The following RAB11FIP1 variants were observed in gnomAD, a reference collection of about 807,000 sequenced individuals.
The protein encoded by RAB11FIP1 is RAB11 family interacting protein 1.
RAB11FIP1 carries 49 observed loss-of-function variants against 83.1 expected under a neutral mutation model. The observed-to-expected ratio is 0.59, with a 90% CI of 0.47 to 0.75. The LOEUF (loss-of-function observed/expected upper bound fraction) is 0.75, where lower values mean the gene tolerates loss of function less well. Among genes scored for constraint, RAB11FIP1 ranks in the 30% least tolerant of loss-of-function variants. The pLI, the probability that RAB11FIP1 is intolerant of heterozygous loss-of-function variation, is 0.00. For missense variants in RAB11FIP1, 1,536 were observed against 1,598.7 expected (o/e 0.96, Z 0.67); for synonymous variants, 670 against 656.0 (o/e 1.02, Z -0.33).
At chr8:37,880,859 C>T (rs1220739846) in intron 1 of RAB11FIP1, among the ~76,000 whole-genome samples, 2 of 152,072 alleles carry the variant, frequency 1.3e-5, no homozygotes, top group African/African-American at 4.8e-5. Flanking sequence ...GTGAGCTGTC[C>T]ACCAGGTCAC....
At chr8:37,886,460 C>T (rs943294153) in intron 1 of RAB11FIP1, among the ~76,000 whole-genome samples, 2 of 152,172 alleles carry the variant, frequency 1.3e-5, no homozygotes, top group Non-Finnish European at 2.9e-5. Context: ...CAGGAAAGGC[C>T]AGGCAAGGAG....
At chr8:37,866,579 A>G (rs567971554) in intron 5 of RAB11FIP1, among the ~76,000 whole-genome samples, 15 of 152,080 alleles carry the variant, frequency 9.9e-5, no homozygotes, top group African/African-American at 3.6e-4. Flanking sequence ...TGGCTTTACT[A>G]TTTTAAAACG....
chr8:37,865,915 TAC>T (rs1456272272), intron 5 of RAB11FIP1, among the ~76,000 whole-genome samples: 5 of 152,230 alleles, frequency 3.3e-5, no homozygotes, highest in African/African-American at 4.8e-5. Flanking sequence ...TGAAAATGTG[TAC>T]ACACTTAAGG....
At chr8:37,865,627 G>A (rs1321849932) in intron 5 of RAB11FIP1, among the ~76,000 whole-genome samples, 1 of 151,952 alleles carries the variant, frequency 6.6e-6, no homozygotes, top group Non-Finnish European at 1.5e-5. Flanking sequence ...GCCTTCCTGG[G>A]GTTCTTGATG....
intron 5 of RAB11FIP1, 91 bp downstream of exon 5, chr8:37,870,329 C>T (rs568869109): frequency 7.3e-6 from 5 of 684,372 alleles, no homozygotes; most frequent in East Asian, 5.6e-5. Context: ...CTGGCACCAC[C>T]GGCTGCCCAG....
chr8:37,874,244 C>A (rs1421602939), intron 3 of RAB11FIP1, among the ~76,000 whole-genome samples: 1 of 152,242 alleles, frequency 6.6e-6, no homozygotes, highest in East Asian at 1.9e-4. Context: ...TGCTACAAAC[C>A]ACTGCGTTCC....
At chr8:37,884,284 C>T (rs939812894) in intron 1 of RAB11FIP1, among the ~76,000 whole-genome samples, 8 of 152,020 alleles carry the variant, frequency 5.3e-5, no homozygotes, top group African/African-American at 1.7e-4. Context: ...AGGCTGGTAT[C>T]GAACTCCTGA....
At position 37,872,261 on chromosome 8, in the gene RAB11FIP1, G is replaced by A. The variant is rs769711555; in HGVS notation, c.2541C>T (p.Asn847=). The A allele has an allele frequency of 1.8e-5, 29 of 1,613,836 alleles. No individual in the cohort carries two copies. The highest frequency in any genetic ancestry group is 2.1e-5 in the Non-Finnish European group (25 of 1,179,924). Residue 847 remains asparagine (N), a synonymous_variant, in exon 4 of 6, where the codon AAC becomes AAT. Transcript: ENST00000330843. ...ACTCAGGAGGCTCTCCGTCAGACGC[G>A]TTTCCAGCAACAGACCATGCAGGGT... The part of the protein sequence containing the change: ...ELNPAWSVAG[N]ASDGEPPESP...
At chr8:37,889,562 A>G (rs1213880466) in intron 1 of RAB11FIP1, among the ~76,000 whole-genome samples, 1 of 152,194 alleles carries the variant, frequency 6.6e-6, no homozygotes. Context: ...ACATACAGAG[A>G]CTTTAAGAAT....
At chr8:37,875,447 C>T (rs982669126) in intron 2 of RAB11FIP1, 125 bp from the exon 3 acceptor site, 6 of 706,092 alleles carry the variant, frequency 8.5e-6, no homozygotes, top group African/African-American at 5.3e-5. Context: ...TGCTGCTATT[C>T]GTATCCAGCA....
In RAB11FIP1 at chr8:37,875,017, C is replaced by T. The variant is rs1197658160; in HGVS notation, c.1120G>A (p.Gly374Arg). The T allele has an allele frequency of 6.2e-7, 1 of 1,614,114 alleles. No homozygotes were observed. The highest frequency in any genetic ancestry group is 1.1e-5 in the South Asian group (1 of 91,070). ...GSWKEPAEGGGLSSDRQLSES... is the reference protein window; with the variant it reads ...GSWKEPAEGGRLSSDRQLSES... ...GAGAGCTGCCTGTCAGAAGACAGCC[C>T]ACCTCCTTCAGCAGGCTCCTTCCAA... is the stretch of plus-strand genomic sequence containing the variant. The change falls in exon 3 of 6, where the codon GGG (glycine) becomes AGG (arginine). Residue 374 changes from glycine to arginine, a missense_variant. By Grantham distance (125) the Gly-to-Arg change is moderately radical (BLOSUM62 -2). Transcript: ENST00000330843.
intron 1 of RAB11FIP1, among the ~76,000 whole-genome samples, chr8:37,896,104 G>A (rs990612781): frequency 1.3e-5 from 2 of 152,066 alleles, no homozygotes; most frequent in Admixed American, 6.6e-5. Context: ...GAGGTCAGGA[G>A]TTCGAGACCA....
intron 1 of RAB11FIP1, among the ~76,000 whole-genome samples, chr8:37,893,779 C>A (rs1349503216): frequency 2.0e-5 from 3 of 151,544 alleles, no homozygotes; most frequent in South Asian, 4.2e-4. Flanking sequence ...AAGAGTGAGA[C>A]CCTGTCTCCA....
At position 37,872,405 on chromosome 8, in the gene RAB11FIP1, G is replaced by A. The variant is rs1342905723; in HGVS notation, c.2397C>T (p.Arg799=). 2 of 1,614,184 alleles carry A rather than the reference G, an allele frequency of 1.2e-6. No homozygotes were observed. Among genetic ancestry groups the A allele is most frequent in the Non-Finnish European group, 1.7e-6 (2 of 1,180,030 alleles). The change falls in exon 4 of 6, where the codon CGC becomes CGT. Residue 799 remains arginine, a synonymous_variant. Transcript: ENST00000330843. ...RKLEEMGLNL[R]KDQKKTKKRV... is the part of the protein sequence containing the mutation. ...GCTTCTTGGTTTTCTTCTGGTCCTTGCGGAGGTTCAGACCCATCTCTTCCA... is the reference window on the plus strand; with the variant it reads ...GCTTCTTGGTTTTCTTCTGGTCCTTACGGAGGTTCAGACCCATCTCTTCCA...
intron 1 of RAB11FIP1, among the ~76,000 whole-genome samples, chr8:37,892,565 C>T (rs1806970441): frequency 1.3e-5 from 2 of 151,952 alleles, no homozygotes; most frequent in Admixed American, 6.6e-5. Flanking sequence ...AGCAATTCTC[C>T]TGCCTCAGCC....
chr8:37,863,114 C>T lies in RAB11FIP1; in HGVS notation c.3634-1G>A. On this transcript the variant is annotated splice_acceptor_variant, in intron 5 of 5. Transcript: ENST00000330843. LOFTEE classifies it high-confidence loss of function. The stretch of plus-strand genomic sequence containing the variant: ...ATGCAGGGTCCGAGGGGCTGTATTT[C>T]TTTGGAGGGGGGGAAATAGTTGGGA... 1 of 1,607,784 alleles carries T rather than the reference C, an allele frequency of 6.2e-7. No homozygotes were observed. The highest frequency in any genetic ancestry group is 8.5e-7 in the Non-Finnish European group (1 of 1,177,262).
Position 37,874,915 on chromosome 8 carries a change from G to A in RAB11FIP1, c.1222C>T (p.Leu408Phe), listed in dbSNP as rs767547353. Residue 408 changes from leucine to phenylalanine, a missense_variant, in exon 3 of 6, where the codon CTC (leucine) becomes TTC (phenylalanine). Transcript: ENST00000330843. Reference protein sequence around the residue: ...YRPAPLVSGDLRENMAPANSE... With the variant: ...YRPAPLVSGDFRENMAPANSE... ...TTTGCGGGGGCCATGTTTTCCCTGA[G>A]GTCCCCACTGACCAGTGGGGCAGGT... is the stretch of plus-strand genomic sequence containing the variant. The A allele has an allele frequency of 6.8e-6, 11 of 1,613,998 alleles. No homozygotes were observed. In the Admixed American group the frequency reaches 8.3e-5, roughly 12 times the overall value.
Position 37,862,988 on chromosome 8 carries a change from G to C in RAB11FIP1, c.3759C>G (p.Asp1253Glu). The change falls in exon 6 of 6, where the codon GAC (aspartate) becomes GAG (glutamate). Residue 1253 changes from aspartate to glutamate, a missense_variant. By Grantham distance (45) the Asp-to-Glu change is conservative. Transcript: ENST00000330843. Reference protein sequence around the residue: ...KKEFQVRELEDYIDNLLVRVM... With the variant: ...KKEFQVRELEEYIDNLLVRVM... The stretch of plus-strand genomic sequence containing the variant: ...CCCTGACAAGCAGGTTGTCAATGTA[G>C]TCTTCCAGCTCGCGGACCTGGAACT... The C allele has an allele frequency of 6.2e-7, 1 of 1,613,932 alleles. No homozygotes were observed. The highest frequency in any genetic ancestry group is 8.5e-7 in the Non-Finnish European group (1 of 1,180,022).
intron 1 of RAB11FIP1, among the ~76,000 whole-genome samples, chr8:37,896,597 G>T (rs569638571): frequency 1.1e-3 from 163 of 152,230 alleles, no homozygotes; most frequent in Non-Finnish European, 1.9e-3. Context: ...TAGGTTTAGG[G>T]TTACATTGGA....
Sources: allele counts gnomAD v4.1 joint callset (sites outside exome capture counted in the v4.1 genomes callset), GRCh38; gene constraint gnomAD v4.1.1; transcripts MANE v1.5; gene names NCBI Gene and HGNC (gene_info 2026-07-23, HGNC 2026-07-21).